TRPS1: variants seen among roughly 807,000 people sequenced by gnomAD.
TRPS1 encodes the protein transcriptional repressor GATA binding 1.
In TRPS1, 6 loss-of-function variants were observed where a neutral mutation model predicts 101.2. That is an observed-to-expected ratio of 0.06 (90% CI 0.03 to 0.12). The LOEUF is 0.12. Among genes scored for constraint, TRPS1 ranks in the 10% least tolerant of loss-of-function variants. TRPS1 has a pLI of 1.00. For missense variants in TRPS1, 1,363 were observed against 1,567.0 expected (o/e 0.87, Z 2.20); for synonymous variants, 578 against 589.8 (o/e 0.98, Z 0.29).
intron 5 of TRPS1, among the ~76,000 whole-genome samples, chr8:115,431,707 T>C (rs910141246): frequency 6.6e-6 from 1 of 151,926 alleles, no homozygotes; most frequent in African/African-American, 2.4e-5. Flanking sequence ...TGCAGGTAGC[T>C]TTCTTCTTTC....
At position 115,619,910 on chromosome 8, in the gene TRPS1, T is replaced by C. The variant is rs1423587904; in HGVS notation, c.188A>G (p.Asp63Gly). 1.2e-6 allele frequency: 2 copies of C among 1,614,190 alleles called. No homozygotes were observed. The highest frequency in any genetic ancestry group is 2.2e-5 in the East Asian group (1 of 44,874). ...CTCCTTATGATTTAGTTCTGCAGCA[T>C]CACTCTGATCCGTATTTTCTGACAT... is the stretch of plus-strand genomic sequence containing the variant. ...DQMSENTDQS[D>G]AAELNHKEEH... The change falls in exon 3 of 7, where the codon GAT (aspartate) becomes GGT (glycine). Residue 63 changes from aspartate to glycine, a missense_variant. Physicochemically the swap from Asp to Gly is moderately conservative, Grantham distance 94. Around this residue, in one of 5 missense-constraint regions of TRPS1, gnomAD observed 1,020 missense variants for 1,073.0 expected, o/e 0.95. Coordinates refer to ENST00000395715, the MANE Select transcript of TRPS1 (RefSeq NM_014112.5).
intron 5 of TRPS1, among the ~76,000 whole-genome samples, chr8:115,564,947 A>T (rs1272377998): frequency 1.3e-5 from 2 of 152,256 alleles, no homozygotes; most frequent in East Asian, 3.9e-4. Flanking sequence ...GTCATTAAAA[A>T]GCCAAACACG....
intron 5 of TRPS1, among the ~76,000 whole-genome samples, chr8:115,535,239 A>ATG (rs1816267690): frequency 4.0e-5 from 3 of 75,700 alleles, no homozygotes; most frequent in African/African-American, 5.2e-5. Flanking sequence ...TATATAGCAT[A>ATG]TATAGCATAT....
intron 1 of TRPS1, among the ~76,000 whole-genome samples, chr8:115,638,877 G>A (rs1421360849): frequency 1.3e-5 from 2 of 152,216 alleles, no homozygotes; most frequent in African/African-American, 4.8e-5. Flanking sequence ...AATGTATACT[G>A]AAATAGATTG....
chr8:115,630,074 A>G (rs1818605471), intron 1 of TRPS1, among the ~76,000 whole-genome samples: 1 of 152,018 alleles, frequency 6.6e-6, no homozygotes. Flanking sequence ...GGTAGATGTC[A>G]AAGTAAAACT....
chr8:115,657,030 T>C (rs755275413), intron 1 of TRPS1, among the ~76,000 whole-genome samples: 2 of 152,112 alleles, frequency 1.3e-5, no homozygotes, highest in Non-Finnish European at 2.9e-5. Flanking sequence ...AGTTTGGAAA[T>C]AATGGAAGCA....
At chr8:115,486,894 T>C (rs1206760629) in intron 5 of TRPS1, among the ~76,000 whole-genome samples, 3 of 152,178 alleles carry the variant, frequency 2.0e-5, no homozygotes, top group Non-Finnish European at 4.4e-5. Context: ...ATCCCGAAGC[T>C]GTAGGAAAGG....
At chr8:115,600,596 C>CA (rs1817886392) in intron 4 of TRPS1, among the ~76,000 whole-genome samples, 1 of 152,122 alleles carries the variant, frequency 6.6e-6, no homozygotes, top group Non-Finnish European at 1.5e-5. Context: ...TGTAACCTCA[C>CA]ATTCCAAGCT....
intron 5 of TRPS1, among the ~76,000 whole-genome samples, chr8:115,431,259 A>G (rs190088453): frequency 6.6e-6 from 1 of 152,178 alleles, no homozygotes; most frequent in East Asian, 1.9e-4. Flanking sequence ...AGATATTGAA[A>G]ACTGAATACA....
chr8:115,416,100 A>G (rs1812912770), intron 6 of TRPS1, among the ~76,000 whole-genome samples: 1 of 152,108 alleles, frequency 6.6e-6, no homozygotes, highest in Non-Finnish European at 1.5e-5. Context: ...GAAAATCTAA[A>G]TTCATGTGTA....
At chr8:115,654,662 T>C (rs1361596865) in intron 1 of TRPS1, among the ~76,000 whole-genome samples, 1 of 152,180 alleles carries the variant, frequency 6.6e-6, no homozygotes, top group Admixed American at 6.5e-5. Flanking sequence ...CAAACTAGCT[T>C]CTTATTAGTG....
intron 1 of TRPS1, chr8:115,668,149 G>C (rs116584925): frequency 3.5e-6 from 2 of 567,738 alleles, no homozygotes; most frequent in African/African-American, 3.8e-5. Context: ...GACTCCAGGG[G>C]CTACTGCAGT....
intron 5 of TRPS1, among the ~76,000 whole-genome samples, chr8:115,528,859 T>G (rs756190156): frequency 1.3e-5 from 2 of 152,068 alleles, no homozygotes; most frequent in Non-Finnish European, 2.9e-5. Flanking sequence ...TCCCTAATTT[T>G]TTATGATTCT....
chr8:115,663,471 G>C (rs1374308432), intron 1 of TRPS1, among the ~76,000 whole-genome samples: 1 of 151,848 alleles, frequency 6.6e-6, no homozygotes, highest in Admixed American at 6.6e-5. Context: ...CACTTGTAAA[G>C]TATTTACTGC....
chr8:115,596,711 TATC>T (rs1220626586), intron 4 of TRPS1, among the ~76,000 whole-genome samples: 1 of 151,860 alleles, frequency 6.6e-6, no homozygotes, highest in Non-Finnish European at 1.5e-5. Flanking sequence ...TATGTGCATA[TATC>T]ATATGTATGT....
At chr8:115,661,432 T>C (rs534726112) in intron 1 of TRPS1, 3 of 152,048 alleles carry the variant, frequency 2.0e-5, no homozygotes, top group South Asian at 2.1e-4. Flanking sequence ...TGCACATATA[T>C]TGGCAATAAT....
chr8:115,603,593 G>C (rs1046318608), intron 4 of TRPS1, among the ~76,000 whole-genome samples: 2 of 152,086 alleles, frequency 1.3e-5, no homozygotes, highest in African/African-American at 2.4e-5. Context: ...AGCATTATTA[G>C]AATCACTGTG....
intron 5 of TRPS1, among the ~76,000 whole-genome samples, chr8:115,510,029 C>A (rs544183084): frequency 6.6e-6 from 1 of 152,098 alleles, no homozygotes; most frequent in East Asian, 1.9e-4. Context: ...AAGGAAAATT[C>A]AATTTCTTAG....
chr8:115,418,178 C>T lies in TRPS1; in HGVS notation c.2823+152G>A. 1 of 1,264,416 alleles carries T rather than the reference C, an allele frequency of 7.9e-7. No homozygotes were observed. Among genetic ancestry groups the T allele is most frequent in the Non-Finnish European group, 1.1e-6 (1 of 877,514 alleles). The allele number at this position is 1,264,416 out of a possible 1,614,324, so 78.3% of individuals were successfully genotyped here. ...CTCCCCATCACATCTAAGCCCCCTT[C>T]ACCATAAATCACATGTGCACTCAAA... On this transcript the variant is annotated intron_variant, in intron 6 of 6. Coordinates refer to ENST00000395715, the MANE Select transcript of TRPS1 (RefSeq NM_014112.5). The surrounding 1 kb of genome is among the most constrained non-coding windows in gnomAD (Gnocchi z 4.3).
Sources: gnomAD v4.1 joint callset for allele counts (sites outside exome capture counted in the v4.1 genomes callset) on GRCh38, gnomAD v4.1.1 for gene constraint, gnomAD v4.1.1 regional missense constraint, Gnocchi (gnomAD v3.1) non-coding constraint, MANE v1.5 for transcripts, NCBI Gene and HGNC (gene_info 2026-07-23, HGNC 2026-07-21) for gene names.